The following RAD18 variants were observed in gnomAD, a reference collection of about 807,000 sequenced individuals.
RAD18 encodes RAD18 E3 ubiquitin protein ligase.
RAD18 carries 47 observed loss-of-function variants against 60.4 expected under a neutral mutation model. The observed-to-expected ratio is 0.78, with a 90% CI of 0.62 to 0.99. The LOEUF (loss-of-function observed/expected upper bound fraction) is 0.99. Ranked by LOEUF, RAD18 falls within the 50% of genes least tolerant of loss-of-function variation. The probability of loss-of-function intolerance (pLI) is 0.00; values close to 1 mark genes in which losing one functional copy is unlikely to be tolerated. For missense variants in RAD18, 640 were observed against 593.3 expected (o/e 1.08, Z -0.82); for synonymous variants, 225 against 195.5 (o/e 1.15, Z -1.26).
rs1425300980 is a variant in RAD18, at chr3:8,877,719, GC to G, written c.*3637del. 1 of 152,196 alleles carries G rather than the reference GC, an allele frequency of 6.6e-6. No individual in the cohort carries two copies. The highest frequency in any genetic ancestry group is 1.5e-5 in the Non-Finnish European group (1 of 68,074). The allele number at this position is 152,196 out of a possible 1,614,324, so 9.4% of individuals were successfully genotyped here. ...CTTCTGATCTACAAGCTCCATCAGGGCAGGAACTGTCTTTGTTTTGCACATT... is the reference window on the plus strand; with the variant it reads ...CTTCTGATCTACAAGCTCCATCAGGGAGGAACTGTCTTTGTTTTGCACATT... On this transcript the variant is annotated 3_prime_UTR_variant, in exon 13 of 13. Coordinates refer to ENST00000264926, the MANE Select transcript of RAD18 (RefSeq NM_020165.4).
intron 9 of RAD18, 29 bp downstream of exon 9, chr3:8,912,283 T>C: frequency 6.7e-7 from 1 of 1,481,648 alleles, no homozygotes; most frequent in Non-Finnish European, 9.1e-7. Flanking sequence ...TGAAGCTCTT[T>C]ACAAATTAAA....
At chr3:8,887,468 C>G (rs1939588264) in intron 12 of RAD18, among the ~76,000 whole-genome samples, 1 of 152,206 alleles carries the variant, frequency 6.6e-6, no homozygotes, top group African/African-American at 2.4e-5. Flanking sequence ...TGTAAAGAAA[C>G]TGAGACCCCA....
intron 6 of RAD18, among the ~76,000 whole-genome samples, chr3:8,938,588 C>A (rs567487037): frequency 6.6e-6 from 1 of 152,106 alleles, no homozygotes; most frequent in African/African-American, 2.4e-5. Context: ...TTGCCCTTGC[C>A]TCCTGTTTCA....
At chr3:8,900,647 C>T (rs1418785890) in intron 10 of RAD18, among the ~76,000 whole-genome samples, 1 of 152,118 alleles carries the variant, frequency 6.6e-6, no homozygotes, top group Non-Finnish European at 1.5e-5. Flanking sequence ...ACAACAAAAA[C>T]AGGCTAAGTT....
At chr3:8,886,206 T>C (rs1192401623) in intron 12 of RAD18, among the ~76,000 whole-genome samples, 1 of 152,180 alleles carries the variant, frequency 6.6e-6, no homozygotes, top group Non-Finnish European at 1.5e-5. Context: ...TGTCTATAAT[T>C]TGGTATTTTA....
intron 4 of RAD18, 98 bp downstream of exon 4, chr3:8,947,122 C>A: frequency 2.3e-6 from 2 of 878,932 alleles, no homozygotes; most frequent in South Asian, 3.3e-5. Flanking sequence ...ATAAAATATG[C>A]AACCCTGCAT....
Position 8,893,900 on chromosome 3 carries a change from G to A in RAD18, c.1323-3449C>T, listed in dbSNP as rs915190581. 5.9e-5 allele frequency among the ~76,000 whole-genome samples: 9 copies of A among 151,920 alleles called. No homozygotes were observed. In the South Asian group the frequency reaches 6.2e-4, roughly 11 times the overall value. On this transcript the variant is annotated intron_variant, in intron 11 of 12. Coordinates refer to ENST00000264926, the MANE Select transcript of RAD18 (RefSeq NM_020165.4). Reference sequence around the variant, plus strand: ...AGATGGCATCTCCCTATGTTGCCCAGGCTGGTTTCAAACTCCCAGGCTCAA... The same window carrying A: ...AGATGGCATCTCCCTATGTTGCCCAAGCTGGTTTCAAACTCCCAGGCTCAA...
chr3:8,910,034 G>A (rs1350889413), intron 9 of RAD18, among the ~76,000 whole-genome samples: 3 of 152,174 alleles, frequency 2.0e-5, no homozygotes, highest in Non-Finnish European at 4.4e-5. Context: ...ACCAACACAG[G>A]AAGGAGGAGA....
rs1386920370 is a variant in RAD18, at chr3:8,878,126, A to G, written c.*3231T>C. 1.3e-5 allele frequency: 2 copies of G among 152,314 alleles called. No homozygotes were observed. Among genetic ancestry groups the G allele is most frequent in the Non-Finnish European group, 1.5e-5 (1 of 68,134 alleles). 9.4% of individuals were successfully genotyped at this position (152,314 alleles called of 1,614,324 possible). On this transcript the variant is annotated 3_prime_UTR_variant, in exon 13 of 13. Transcript: ENST00000264926. ...GACAGAGCAGCGGTGAGGAGGGCAGATGCTGGTAGAAGTCTGTCGGGGGGA... is the reference window on the plus strand; with the variant it reads ...GACAGAGCAGCGGTGAGGAGGGCAGGTGCTGGTAGAAGTCTGTCGGGGGGA...
At chr3:8,936,548 T>G (rs750652759) in intron 6 of RAD18, among the ~76,000 whole-genome samples, 1 of 152,188 alleles carries the variant, frequency 6.6e-6, no homozygotes, top group Non-Finnish European at 1.5e-5. Flanking sequence ...TTATAGCAGG[T>G]TCTCTACCTG....
intron 7 of RAD18, among the ~76,000 whole-genome samples, chr3:8,915,585 CTT>C (rs749576578): frequency 1.7e-4 from 24 of 139,778 alleles, no homozygotes; most frequent in Admixed American, 2.9e-4. Flanking sequence ...GGCTATTTTC[CTT>C]TTTTTTTTTT....
At chr3:8,935,071 G>C (rs1940624758) in intron 7 of RAD18, among the ~76,000 whole-genome samples, 1 of 152,202 alleles carries the variant, frequency 6.6e-6, no homozygotes. Context: ...GTGAATGGGA[G>C]GGGGCAGATA....
At chr3:8,933,223 C>T (rs989153032) in intron 7 of RAD18, among the ~76,000 whole-genome samples, 2 of 152,044 alleles carry the variant, frequency 1.3e-5, no homozygotes, top group African/African-American at 2.4e-5. Context: ...ACATACTATA[C>T]AATTTGTGTA....
At chr3:8,911,772 T>C (rs1022301049) in intron 9 of RAD18, among the ~76,000 whole-genome samples, 3 of 152,198 alleles carry the variant, frequency 2.0e-5, no homozygotes, top group African/African-American at 7.2e-5. Context: ...CACTTAAATT[T>C]AAACTAAAAT....
intron 10 of RAD18, among the ~76,000 whole-genome samples, chr3:8,900,088 C>G (rs1373592650): frequency 1.3e-5 from 2 of 152,158 alleles, no homozygotes; most frequent in Non-Finnish European, 2.9e-5. Flanking sequence ...AGAAATAGTT[C>G]TAAGTTTTTG....
intron 9 of RAD18, among the ~76,000 whole-genome samples, chr3:8,908,513 C>A (rs190126719): frequency 8.1e-4 from 123 of 152,214 alleles, no homozygotes; most frequent in Admixed American, 2.0e-3. Context: ...TAGAACAGAT[C>A]CTTCCTGCAT....
At position 8,883,212 on chromosome 3, in the gene RAD18, A is replaced by G. The variant is rs45551134; in HGVS notation, c.1386-1753T>C. On this transcript the variant is annotated intron_variant, in intron 12 of 12. Transcript: ENST00000264926. ...AGAAAGGAGAGAAAGAACTATGGAT[A>G]ATAAATATGTAAATATATATGGCTG... is the stretch of plus-strand genomic sequence containing the variant. Among the ~76,000 whole-genome samples the G allele has an allele frequency of 2.7e-3, 410 of 152,314 alleles. 3 individuals carry two copies. Among genetic ancestry groups the G allele is most frequent in the African/African-American group, 9.3e-3 (386 of 41,570 alleles).
chr3:8,882,160 T>A (rs1432738201), intron 12 of RAD18, among the ~76,000 whole-genome samples: 1 of 152,074 alleles, frequency 6.6e-6, no homozygotes. Context: ...CCTGCTCTCC[T>A]GAATGCTTCT....
At position 8,938,987 on chromosome 3, in the gene RAD18, G is replaced by A. The variant is rs966627798; in HGVS notation, c.704+567C>T. 2.6e-5 allele frequency among the ~76,000 whole-genome samples: 4 copies of A among 152,122 alleles called. No homozygotes were observed. In the East Asian group the frequency reaches 5.8e-4, roughly 22 times the overall value. ...GGTAGAACAGCACAGTTGTTTAGATGTAAATACTGAGCTGACAATTTATTA... is the reference window on the plus strand; with the variant it reads ...GGTAGAACAGCACAGTTGTTTAGATATAAATACTGAGCTGACAATTTATTA... On this transcript the variant is annotated intron_variant, in intron 6 of 12. Coordinates refer to ENST00000264926, the MANE Select transcript of RAD18 (RefSeq NM_020165.4).
Sources: gnomAD v4.1 joint callset for allele counts (sites outside exome capture counted in the v4.1 genomes callset) on GRCh38, gnomAD v4.1.1 for gene constraint, MANE v1.5 for transcripts, NCBI Gene and HGNC (gene_info 2026-07-23, HGNC 2026-07-21) for gene names.